Variants in KCNH1 observed in about 807,000 individuals in gnomAD.
The protein encoded by KCNH1 is potassium voltage-gated channel subfamily H member 1.
A neutral mutation model predicts 69.2 loss-of-function variants in KCNH1; 27 were observed. The ratio of observed to expected loss-of-function variants is 0.39; its 90% CI spans 0.29 to 0.54. The LOEUF (loss-of-function observed/expected upper bound fraction) is 0.54, where lower values mean the gene tolerates loss of function less well. KCNH1 is among the 20% of genes least tolerant of loss of function. The pLI, the probability that KCNH1 is intolerant of heterozygous loss-of-function variation, is 0.68. For synonymous variants in KCNH1, 456 were observed against 487.7 expected, an observed-to-expected ratio of 0.93 and a Z score of 0.86; for missense variants, 798 against 1,261.6, an observed-to-expected ratio of 0.63 and a Z score of 5.57.
chr1:211,007,172 G>A (rs1689300962), intron 6 of KCNH1, among the ~76,000 whole-genome samples: 1 of 152,086 alleles, frequency 6.6e-6, no homozygotes, highest in Admixed American at 6.6e-5. Flanking sequence ...CCTGAGGCAC[G>A]ATATTTCACC....
Position 210,919,575 on chromosome 1 carries a change from G to T in KCNH1, c.1462+65C>A, listed in dbSNP as rs1687417356. On this transcript the variant is annotated intron_variant, in intron 7 of 10. Transcript: ENST00000271751. The surrounding 1 kb of genome is among the most constrained non-coding windows in gnomAD (Gnocchi z 4.2). Reference sequence around the variant, plus strand: ...TTCTCCTGATCCTGCTGGCACTGTAGCCATTTCCCTGTTTCCAGCTAACAG... The same window carrying T: ...TTCTCCTGATCCTGCTGGCACTGTATCCATTTCCCTGTTTCCAGCTAACAG... 2.8e-6 allele frequency: 4 copies of T among 1,406,038 alleles called. No individual in the cohort carries two copies. The South Asian group carries it at 5.0e-5, about 18-fold the overall frequency. 87.1% of individuals were successfully genotyped at this position (1,406,038 alleles called of 1,614,324 possible). A position where few individuals can be genotyped will look rare whatever the true frequency, so the allele number is the denominator to read the frequency against.
chr1:211,071,473 A>G (rs1423636923), intron 5 of KCNH1, among the ~76,000 whole-genome samples: 1 of 152,260 alleles, frequency 6.6e-6, no homozygotes, highest in Non-Finnish European at 1.5e-5. Context: ...ACGATACTTG[A>G]GTTCACAGCA....
At chr1:211,113,213 A>G (rs1691505362) in intron 1 of KCNH1, among the ~76,000 whole-genome samples, 1 of 152,220 alleles carries the variant, frequency 6.6e-6, no homozygotes, top group African/African-American at 2.4e-5. Flanking sequence ...AACCATTTAT[A>G]CCAGGGTAAA....
At chr1:210,982,714 G>A (rs548901529) in intron 6 of KCNH1, among the ~76,000 whole-genome samples, 6 of 152,134 alleles carry the variant, frequency 3.9e-5, no homozygotes, top group African/African-American at 1.4e-4. Flanking sequence ...ATTGTGAATA[G>A]TGCCGCAATA....
intron 10 of KCNH1, among the ~76,000 whole-genome samples, chr1:210,772,364 CACTTT>C (rs951747965): frequency 8.5e-5 from 13 of 152,206 alleles, no homozygotes; most frequent in East Asian, 5.8e-4. Flanking sequence ...TACAACAATA[CACTTT>C]ACTTTACCAG....
chr1:210,815,451 T>C (rs1684792775), intron 7 of KCNH1, among the ~76,000 whole-genome samples: 1 of 152,120 alleles, frequency 6.6e-6, no homozygotes. Flanking sequence ...TTGATGGAAA[T>C]AACTACACTC....
intron 9 of KCNH1, among the ~76,000 whole-genome samples, chr1:210,791,246 T>C (rs900572071): frequency 6.6e-6 from 1 of 152,184 alleles, no homozygotes; most frequent in African/African-American, 2.4e-5. Flanking sequence ...ACGTTCATCA[T>C]CTCACCCCAT....
chr1:211,117,663 C>T (rs1691605719), intron 1 of KCNH1, among the ~76,000 whole-genome samples: 1 of 152,220 alleles, frequency 6.6e-6, no homozygotes, highest in African/African-American at 2.4e-5. Context: ...AATCCCTAGG[C>T]TTCCCAGAGC....
At chr1:210,779,816 C>G (rs1416345537) in intron 9 of KCNH1, among the ~76,000 whole-genome samples, 1 of 152,182 alleles carries the variant, frequency 6.6e-6, no homozygotes, top group Admixed American at 6.5e-5. Flanking sequence ...TCCTCTTCCC[C>G]CCAATTATAT....
At chr1:210,725,396 C>CA (rs1184963161) in intron 10 of KCNH1, among the ~76,000 whole-genome samples, 2 of 152,122 alleles carry the variant, frequency 1.3e-5, no homozygotes, top group Non-Finnish European at 2.9e-5. Context: ...ATACACCAGA[C>CA]AAAAAACACC....
At chr1:210,838,731 C>G (rs1245538251) in intron 7 of KCNH1, among the ~76,000 whole-genome samples, 2 of 152,024 alleles carry the variant, frequency 1.3e-5, no homozygotes, top group African/African-American at 4.8e-5. Flanking sequence ...AGAAAAACAA[C>G]CCCATTAAAA....
At chr1:210,779,118 G>GA (rs1446056854) in intron 9 of KCNH1, among the ~76,000 whole-genome samples, 1 of 152,096 alleles carries the variant, frequency 6.6e-6, no homozygotes, top group Non-Finnish European at 1.5e-5. Flanking sequence ...GGTTTTGACA[G>GA]AAAAAATAAA....
At chr1:210,975,985 T>C (rs577718394) in intron 6 of KCNH1, among the ~76,000 whole-genome samples, 45 of 152,144 alleles carry the variant, frequency 3.0e-4, no homozygotes, top group African/African-American at 1.1e-3. Context: ...ATGCAGCCAA[T>C]ACACACATGA....
At chr1:210,862,296 T>G (rs1187732075) in intron 7 of KCNH1, 1 of 853,764 alleles carries the variant, frequency 1.2e-6, no homozygotes, top group Non-Finnish European at 2.0e-6. Context: ...CAGCATGAAC[T>G]AGGTCAAACC....
intron 10 of KCNH1, among the ~76,000 whole-genome samples, chr1:210,722,478 G>A (rs2149027250): frequency 6.6e-6 from 1 of 152,282 alleles, no homozygotes; most frequent in Admixed American, 6.5e-5. Flanking sequence ...CATGAGAAGG[G>A]ATCAGAAGTT....
chr1:210,944,476 T>A (rs965215569), intron 6 of KCNH1, among the ~76,000 whole-genome samples: 1 of 152,098 alleles, frequency 6.6e-6, no homozygotes, highest in Non-Finnish European at 1.5e-5. Context: ...AACTGCCATA[T>A]CTAAATGGAG....
At chr1:210,935,476 T>A (rs1241162471) in intron 6 of KCNH1, among the ~76,000 whole-genome samples, 1 of 152,138 alleles carries the variant, frequency 6.6e-6, no homozygotes, top group Admixed American at 6.5e-5. Context: ...ATTAATAAGT[T>A]GTTATATGTT....
intron 6 of KCNH1, among the ~76,000 whole-genome samples, chr1:210,994,835 T>A (rs1053335218): frequency 2.0e-5 from 3 of 152,196 alleles, no homozygotes; most frequent in Non-Finnish European, 4.4e-5. Flanking sequence ...CACCCCAAGA[T>A]GACTGTTAGA....
At position 210,679,121 on chromosome 1, in the gene KCNH1, C is replaced by T. The variant is rs560048911; in HGVS notation, c.*4160G>A. 6.6e-6 allele frequency: 1 copy of T among 152,328 alleles called. No individual in the cohort carries two copies. The highest frequency in any genetic ancestry group is 2.1e-4 in the South Asian group (1 of 4,828). The allele number at this position is 152,328 out of a possible 1,614,324, so 9.4% of individuals were successfully genotyped here. On this transcript the variant is annotated 3_prime_UTR_variant, in exon 11 of 11. Coordinates refer to ENST00000271751, the MANE Select transcript of KCNH1 (RefSeq NM_172362.3). ...TGTTTTTTTCTCTGATGTTTGCAGT[C>T]AGTGCTGAGAGGATCATGAAGTCTC...
Sources: allele counts gnomAD v4.1 joint callset (sites outside exome capture counted in the v4.1 genomes callset), GRCh38; gene constraint gnomAD v4.1.1; non-coding constraint Gnocchi (gnomAD v3.1); transcripts MANE v1.5; gene names NCBI Gene and HGNC (gene_info 2026-07-23, HGNC 2026-07-21).